The following MEI1 variants were observed in gnomAD, a reference collection of about 807,000 sequenced individuals.
MEI1 encodes meiosis inhibitor protein 1.
In MEI1, 103 loss-of-function variants were observed where a neutral mutation model predicts 146.2. That is an observed-to-expected ratio of 0.70 (90% CI 0.60 to 0.83). The LOEUF (loss-of-function observed/expected upper bound fraction) is 0.83. MEI1 is among the 40% of genes least tolerant of loss of function. MEI1 has a pLI of 0.00. For synonymous variants in MEI1, 652 were observed against 628.2 expected (o/e 1.04, Z -0.57); for missense variants, 1,529 against 1,533.0 (o/e 1.00, Z 0.04).
At chr22:41,759,988 A>C (rs1017065697) in intron 18 of MEI1, among the ~76,000 whole-genome samples, 29 of 152,130 alleles carry the variant, frequency 1.9e-4, no homozygotes, top group African/African-American at 6.5e-4. Flanking sequence ...AGCCTGACCA[A>C]CAAGGTGAAA....
chr22:41,773,869 C>T (rs976447291), intron 20 of MEI1, among the ~76,000 whole-genome samples: 2 of 152,066 alleles, frequency 1.3e-5, no homozygotes, highest in African/African-American at 4.8e-5. Context: ...AGCTAGACTT[C>T]GTCTCAAAAA....
chr22:41,768,138 T>C (rs1295737489), intron 19 of MEI1, among the ~76,000 whole-genome samples: 2 of 152,060 alleles, frequency 1.3e-5, no homozygotes, highest in South Asian at 2.1e-4. Flanking sequence ...TCCTAGCACT[T>C]TGGGAGGCCG....
chr22:41,792,521 T>C (rs564756892), intron 26 of MEI1, among the ~76,000 whole-genome samples: 1 of 152,174 alleles, frequency 6.6e-6, no homozygotes, highest in East Asian at 1.9e-4. Flanking sequence ...AAGTGTTAGT[T>C]GAAATAAGAG....
chr22:41,753,157 A>G (rs1428125465), intron 16 of MEI1, among the ~76,000 whole-genome samples: 3 of 151,928 alleles, frequency 2.0e-5, no homozygotes, highest in Non-Finnish European at 4.4e-5. Context: ...AGCTGGGATT[A>G]CAGGTGCTTG....
Position 41,793,811 on chromosome 22 carries a change from T to TGA in MEI1, c.3346-18_3346-17insGA. The stretch of plus-strand genomic sequence containing the variant: ...TGGTAGCAAAACCTGACCTGATTTT[T>TGA]TTTTTTTTTTTCTGCAGAAGGACCC... On this transcript the variant is annotated splice_polypyrimidine_tract_variant and intron_variant, in intron 26 of 30. Coordinates refer to ENST00000401548, the MANE Select transcript of MEI1 (RefSeq NM_152513.4). 1 of 1,540,660 alleles carries TGA rather than the reference T, an allele frequency of 6.5e-7. No individual in the cohort carries two copies. The highest frequency in any genetic ancestry group is 8.7e-7 in the Non-Finnish European group (1 of 1,151,222).
intron 18 of MEI1, among the ~76,000 whole-genome samples, chr22:41,758,826 C>T (rs1490299950): frequency 6.6e-6 from 1 of 152,204 alleles, no homozygotes; most frequent in Non-Finnish European, 1.5e-5. Flanking sequence ...TGGTTTTAAT[C>T]ATTACTGTTC....
At chr22:41,707,516 T>A (rs2069184435) in intron 3 of MEI1, among the ~76,000 whole-genome samples, 1 of 152,120 alleles carries the variant, frequency 6.6e-6, no homozygotes. Context: ...GATAAAGAAG[T>A]GCTAAGGTGC....
At chr22:41,765,338 A>T (rs145668626) in intron 19 of MEI1, among the ~76,000 whole-genome samples, 166 of 152,186 alleles carry the variant, frequency 1.1e-3, no homozygotes, top group Non-Finnish European at 1.6e-3. Context: ...AAAATTGGCC[A>T]GGTATGGTGG....
intron 2 of MEI1, among the ~76,000 whole-genome samples, chr22:41,704,756 C>G (rs532187466): frequency 1.3e-5 from 2 of 152,088 alleles, no homozygotes; most frequent in Admixed American, 6.6e-5. Context: ...GCTCTGTCAC[C>G]CAGACTGGAG....
chr22:41,775,739 A>G (rs1424756525), intron 20 of MEI1, among the ~76,000 whole-genome samples: 1 of 151,578 alleles, frequency 6.6e-6, no homozygotes, highest in African/African-American at 2.4e-5. Flanking sequence ...GACTACAGGC[A>G]CTTGCCACCA....
Position 41,730,632 on chromosome 22 carries a change from T to C in MEI1, c.1091T>C (p.Val364Ala). 6.2e-7 allele frequency: 1 copy of C among 1,610,224 alleles called. No homozygotes were observed. The highest frequency in any genetic ancestry group is 8.5e-7 in the Non-Finnish European group (1 of 1,176,654). The change falls in exon 9 of 31, where the codon GTG (valine) becomes GCG (alanine). Residue 364 changes from valine (V) to alanine (A), a missense_variant. Physicochemically the swap from Val to Ala is moderately conservative, Grantham distance 64. This residue lies in a region of MEI1 where 1,212 missense variants were observed against 1,178.9 expected (regional missense o/e 1.03). Transcript: ENST00000401548. ...CTCTTTTTTTCCAAGTGCCACACGG[T>C]GTATGGTTGGTAGTAAGGGTCCTGT... ...EPLFFSKCHT[V>A]YGIEAVVRSL...
chr22:41,756,327 G>A (rs2074091549), intron 17 of MEI1, among the ~76,000 whole-genome samples: 1 of 152,036 alleles, frequency 6.6e-6, no homozygotes, highest in South Asian at 2.1e-4. Context: ...AGTAGAGATG[G>A]GGTTTTGCCA....
At chr22:41,785,711 A>T (rs1337889287) in intron 26 of MEI1, among the ~76,000 whole-genome samples, 1 of 146,232 alleles carries the variant, frequency 6.8e-6, no homozygotes, top group Non-Finnish European at 1.5e-5. Context: ...TTACAGGTGC[A>T]TGCCACCATG....
intron 28 of MEI1, among the ~76,000 whole-genome samples, chr22:41,794,699 A>T (rs756710528): frequency 1.3e-5 from 2 of 152,112 alleles, no homozygotes; most frequent in African/African-American, 4.8e-5. Context: ...TTCTCTCATG[A>T]CATGTTGACC....
chr22:41,731,244 G>A (rs2071836465), intron 9 of MEI1, among the ~76,000 whole-genome samples: 1 of 151,664 alleles, frequency 6.6e-6, no homozygotes, highest in Admixed American at 6.6e-5. Flanking sequence ...TAGTAGAGAT[G>A]GGGTTTTACC....
At position 41,723,962 on chromosome 22, in the gene MEI1, G is replaced by A. The variant is rs760128854; in HGVS notation, c.753G>A (p.Leu251=). ...TCCTAGGTTTGCTGAGGCAGCTGTT[G>A]AAGTATGATCTCTTTGTGTCCATGA... ...INCLGLLRQL[L]KYDLFVSMIM... Residue 251 remains leucine (L), a synonymous_variant, in exon 7 of 31, where the codon TTG becomes TTA. Coordinates refer to ENST00000401548, the MANE Select transcript of MEI1 (RefSeq NM_152513.4). 6.2e-7 allele frequency: 1 copy of A among 1,606,326 alleles called. No homozygotes were observed. The highest frequency in any genetic ancestry group is 1.1e-5 in the South Asian group (1 of 89,506).
chr22:41,784,808 T>G, intron 26 of MEI1, 25 bp downstream of exon 26: 1 of 1,558,176 alleles, frequency 6.4e-7, no homozygotes, highest in Non-Finnish European at 8.7e-7. Flanking sequence ...GAGTGGGGCT[T>G]GCTTCTCCCA....
rs2073021772 is a variant in MEI1 at position 41,743,195 on chromosome 22, G to A, written c.1446+1G>A. The A allele has an allele frequency of 6.2e-7, 1 of 1,606,498 alleles. No homozygotes were observed. Among genetic ancestry groups the A allele is most frequent in the Non-Finnish European group, 8.5e-7 (1 of 1,174,002 alleles). On this transcript the variant is annotated splice_donor_variant, in intron 12 of 30. Transcript: ENST00000401548. LOFTEE classifies it high-confidence loss of function. ...GACCTTGCTGAGCAGGAGGCCCCTGGTCAGTGTACTGCAGCCTGCTGCTTC... is the reference window on the plus strand; with the variant it reads ...GACCTTGCTGAGCAGGAGGCCCCTGATCAGTGTACTGCAGCCTGCTGCTTC...
At chr22:41,723,352 A>G (rs988048465) in intron 6 of MEI1, among the ~76,000 whole-genome samples, 5 of 152,072 alleles carry the variant, frequency 3.3e-5, no homozygotes, top group African/African-American at 1.2e-4. Flanking sequence ...AGTTGGGACT[A>G]CAGGCACATG....
Sources: allele counts gnomAD v4.1 joint callset (sites outside exome capture counted in the v4.1 genomes callset), GRCh38; gene constraint gnomAD v4.1.1; regional missense constraint gnomAD v4.1.1; transcripts MANE v1.5; gene names NCBI Gene and HGNC (gene_info 2026-07-23, HGNC 2026-07-21).